Variants in PCDHAC1 observed in about 807,000 individuals in gnomAD.
The protein encoded by PCDHAC1 is protocadherin alpha subfamily C, 1.
In PCDHAC1, 42 loss-of-function variants were observed where a neutral mutation model predicts 60.0. That is an observed-to-expected ratio of 0.70 (90% CI 0.55 to 0.90). The LOEUF is 0.90. PCDHAC1 is among the 40% of genes least tolerant of loss of function. The probability of loss-of-function intolerance (pLI) is 0.00; values close to 1 mark genes in which losing one functional copy is unlikely to be tolerated. For synonymous variants in PCDHAC1, 468 were observed against 499.3 expected, an observed-to-expected ratio of 0.94 and a Z score of 0.84; for missense variants, 1,160 against 1,222.3, an observed-to-expected ratio of 0.95 and a Z score of 0.76.
At chr5:140,933,212 T>C (rs2088935461) in intron 1 of PCDHAC1, among the ~76,000 whole-genome samples, 1 of 151,682 alleles carries the variant, frequency 6.6e-6, no homozygotes, top group African/African-American at 2.4e-5. Context: ...ATTACATGTC[T>C]GTTATATTGC....
At chr5:140,979,779 G>C (rs778402540) in intron 2 of PCDHAC1, among the ~76,000 whole-genome samples, 1 of 152,186 alleles carries the variant, frequency 6.6e-6, no homozygotes, top group Non-Finnish European at 1.5e-5. Flanking sequence ...AAATGGGAAG[G>C]ACCAAGAAAC....
chr5:140,938,485 T>C (rs2092087482), intron 1 of PCDHAC1, among the ~76,000 whole-genome samples: 2 of 152,170 alleles, frequency 1.3e-5, no homozygotes, highest in African/African-American at 4.8e-5. Context: ...TTAAAAATCA[T>C]GAATAGGCAT....
In PCDHAC1 at chr5:141,011,713, T is replaced by G. The variant is rs1198989870; in HGVS notation, c.*1776T>G. 6.5e-6 allele frequency: 1 copy of G among 153,774 alleles called. No individual in the cohort carries two copies. The highest frequency in any genetic ancestry group is 1.5e-5 in the Non-Finnish European group (1 of 68,048). 9.5% of individuals were successfully genotyped at this position (153,774 alleles called of 1,614,324 possible). On this transcript the variant is annotated 3_prime_UTR_variant, in exon 4 of 4. Coordinates refer to ENST00000253807, the MANE Select transcript of PCDHAC1 (RefSeq NM_018898.5). Reference sequence around the variant, plus strand: ...ATTTTGGAATGAATACTGACAATATTCCATGAGGGTGTGCAAGCACAAATT... The same window carrying G: ...ATTTTGGAATGAATACTGACAATATGCCATGAGGGTGTGCAAGCACAAATT...
At chr5:140,968,263 G>A (rs782272055) in intron 1 of PCDHAC1, 20 of 1,613,978 alleles carry the variant, frequency 1.2e-5, no homozygotes, top group Middle Eastern at 3.3e-4. Flanking sequence ...CAGATGAAAA[G>A]GAGAATGCAG....
At chr5:141,000,376 T>C (rs2097906883) in intron 3 of PCDHAC1, among the ~76,000 whole-genome samples, 1 of 58,410 alleles carries the variant, frequency 1.7e-5, no homozygotes, top group Non-Finnish European at 3.2e-5. Flanking sequence ...TCTCTCTCTC[T>C]CTCTCTCTCT....
intron 1 of PCDHAC1, chr5:140,966,954 G>T (rs782541612): frequency 6.2e-7 from 1 of 1,601,606 alleles, no homozygotes; most frequent in Non-Finnish European, 8.5e-7. Flanking sequence ...AACGTGGCTC[G>T]CGCGCTGGGG....
rs373922357 is a variant in PCDHAC1, at chr5:140,927,079, G to C, written c.187G>C (p.Glu63Gln). The change falls in exon 1 of 4, where the codon GAG becomes CAG. Residue 63 changes from glutamate (E) to glutamine (Q), a missense_variant. Coordinates refer to ENST00000253807, the MANE Select transcript of PCDHAC1 (RefSeq NM_018898.5). Reference protein sequence around the residue: ...RNFRFLSSHRELYFGVDLPSG... With the variant: ...RNFRFLSSHRQLYFGVDLPSG... ...CTTTCGCTTCCTTTCCAGCCACCGC[G>C]AGCTCTACTTCGGGGTGGATCTACC... The C allele has an allele frequency of 2.5e-6, 4 of 1,610,870 alleles. No individual in the cohort carries two copies. In the African/African-American group the frequency reaches 5.3e-5, roughly 22 times the overall value.
chr5:140,998,569 GTT>G (rs71574497), intron 3 of PCDHAC1, among the ~76,000 whole-genome samples: 14 of 149,410 alleles, frequency 9.4e-5, no homozygotes, highest in Admixed American at 6.7e-4. Flanking sequence ...TTGTAAATAA[GTT>G]TTTTTTTTTT....
chr5:140,980,901 T>C, intron 2 of PCDHAC1, among the ~76,000 whole-genome samples: 1 of 152,218 alleles, frequency 6.6e-6, no homozygotes, highest in East Asian at 1.9e-4. Context: ...TTGGACATCA[T>C]GTAACTATTC....
chr5:140,981,845 T>C (rs184071298), intron 2 of PCDHAC1, among the ~76,000 whole-genome samples: 129 of 152,310 alleles, frequency 8.5e-4, no homozygotes, highest in Middle Eastern at 3.4e-3. Flanking sequence ...TCCCAGTTTG[T>C]ATCTCACTCC....
rs1015706913 is a variant in PCDHAC1, at chr5:140,985,292, T to C, written c.2581+2729T>C. 2.0e-5 allele frequency among the ~76,000 whole-genome samples: 3 copies of C among 152,294 alleles called. No homozygotes were observed. The East Asian group carries it at 5.8e-4, about 29-fold the overall frequency. ...TACTTTTCTGCAATCTATGATATAG[T>C]GTTGGCTGATAGCCTGGTGGCCAGA... On this transcript the variant is annotated intron_variant, in intron 3 of 3. Transcript: ENST00000253807.
chr5:140,985,504 A>G (rs1368014181), intron 3 of PCDHAC1, among the ~76,000 whole-genome samples: 2 of 152,170 alleles, frequency 1.3e-5, no homozygotes, highest in Non-Finnish European at 2.9e-5. Context: ...CCTGCCTTTC[A>G]TTGATTCTGT....
chr5:140,999,568 G>A (rs1554256885), intron 3 of PCDHAC1, among the ~76,000 whole-genome samples: 1 of 152,084 alleles, frequency 6.6e-6, no homozygotes, highest in Non-Finnish European at 1.5e-5. Context: ...TTTGAGAAGA[G>A]ACTATAAAGG....
chr5:140,975,516 G>T (rs1310855349), intron 1 of PCDHAC1, among the ~76,000 whole-genome samples: 1 of 152,166 alleles, frequency 6.6e-6, no homozygotes, highest in Non-Finnish European at 1.5e-5. Flanking sequence ...TGCAAAATCT[G>T]CAGTGGATAT....
At chr5:140,984,371 C>T (rs2097099528) in intron 3 of PCDHAC1, among the ~76,000 whole-genome samples, 1 of 152,150 alleles carries the variant, frequency 6.6e-6, no homozygotes, top group African/African-American at 2.4e-5. Flanking sequence ...TGGCCAAGTC[C>T]CTCTTTCAGA....
At chr5:140,990,792 T>C (rs1554251750) in intron 3 of PCDHAC1, among the ~76,000 whole-genome samples, 2 of 152,176 alleles carry the variant, frequency 1.3e-5, no homozygotes, top group African/African-American at 4.8e-5. Flanking sequence ...CGATGAACCA[T>C]GGAATACAGA....
chr5:140,967,707 C>G, intron 1 of PCDHAC1: 1 of 1,614,158 alleles, frequency 6.2e-7, no homozygotes, highest in Non-Finnish European at 8.5e-7. Flanking sequence ...GATGCCAGTA[C>G]CGGGGAAGTG....
intron 3 of PCDHAC1, among the ~76,000 whole-genome samples, chr5:140,992,671 T>C (rs932477687): frequency 1.3e-5 from 2 of 152,116 alleles, no homozygotes; most frequent in African/African-American, 4.8e-5. Context: ...GGTGTGTATG[T>C]GTGTGTTAGG....
At chr5:140,967,733 C>T (rs1473723959) in intron 1 of PCDHAC1, 7 of 1,614,024 alleles carry the variant, frequency 4.3e-6, no homozygotes, top group Non-Finnish European at 5.9e-6. Context: ...AATTGGGGGG[C>T]TGGATTATGA....
Sources: allele counts gnomAD v4.1 joint callset (sites outside exome capture counted in the v4.1 genomes callset), GRCh38; gene constraint gnomAD v4.1.1; transcripts MANE v1.5; gene names NCBI Gene and HGNC (gene_info 2026-07-23, HGNC 2026-07-21).